Variants in DOCK8 observed in about 807,000 individuals in gnomAD.
DOCK8 encodes dedicator of cytokinesis 8, also known as dedicator of cytokinesis protein 8.
In DOCK8, 141 loss-of-function variants were observed where a neutral mutation model predicts 245.6. The observed-to-expected ratio is 0.57, with a 90% CI of 0.50 to 0.66. The LOEUF is 0.66. DOCK8 is among the 30% of genes least tolerant of loss of function. DOCK8 has a pLI of 0.00. For synonymous variants in DOCK8, 1,168 were observed against 970.2 expected, an observed-to-expected ratio of 1.20 and a Z score of -3.79; for missense variants, 2,965 against 2,603.4, an observed-to-expected ratio of 1.14 and a Z score of -3.02.
At chr9:444,304 C>T (rs1281828850) in intron 43 of DOCK8, among the ~76,000 whole-genome samples, 1 of 148,720 alleles carries the variant, frequency 6.7e-6, no homozygotes, top group African/African-American at 2.5e-5. Context: ...TTTCTATAAC[C>T]TGTTAGCTTG....
At chr9:299,104 A>G (rs999213899) in intron 4 of DOCK8, among the ~76,000 whole-genome samples, 1 of 152,162 alleles carries the variant, frequency 6.6e-6, no homozygotes, top group Non-Finnish European at 1.5e-5. Flanking sequence ...TAATATTTGC[A>G]TATATTTGTC....
At chr9:398,883 T>A (rs1449892028) in intron 25 of DOCK8, among the ~76,000 whole-genome samples, 2 of 151,996 alleles carry the variant, frequency 1.3e-5, no homozygotes, top group African/African-American at 2.4e-5. Context: ...TGAGGTTAAT[T>A]ATACACATAT....
At chr9:430,798 T>C (rs1192556314) in intron 36 of DOCK8, among the ~76,000 whole-genome samples, 1 of 152,196 alleles carries the variant, frequency 6.6e-6, no homozygotes, top group African/African-American at 2.4e-5. Flanking sequence ...TCTGACTAGC[T>C]AGTGCCAGAA....
At chr9:263,534 C>T (rs541293386) in intron 1 of DOCK8, among the ~76,000 whole-genome samples, 4 of 152,084 alleles carry the variant, frequency 2.6e-5, no homozygotes, top group African/African-American at 9.6e-5. Context: ...CTTATGTTTA[C>T]CCTTTTGGTG....
chr9:255,904 A>G (rs2047761319), intron 1 of DOCK8, among the ~76,000 whole-genome samples: 3 of 152,144 alleles, frequency 2.0e-5, no homozygotes, highest in Admixed American at 2.0e-4. Flanking sequence ...AGGCTTATTG[A>G]TTTAAAATAC....
At chr9:348,502 G>A (rs937917617) in intron 14 of DOCK8, among the ~76,000 whole-genome samples, 10 of 152,126 alleles carry the variant, frequency 6.6e-5, no homozygotes, top group Admixed American at 6.5e-4. Context: ...TTTTTCCACT[G>A]TCCTTTACAT....
chr9:441,535 C>T, intron 41 of DOCK8, 118 bp downstream of exon 41: 1 of 1,483,390 alleles, frequency 6.7e-7, no homozygotes, highest in Non-Finnish European at 9.2e-7. Flanking sequence ...ATTGCTTTTG[C>T]TCTCACCTGT....
intron 9 of DOCK8, among the ~76,000 whole-genome samples, chr9:328,523 A>G (rs1337379766): frequency 6.6e-6 from 1 of 152,170 alleles, no homozygotes; most frequent in Non-Finnish European, 1.5e-5. Flanking sequence ...AGCTTGGCAC[A>G]TCTTGGGCAC....
At chr9:293,185 T>C (rs1310823021) in intron 4 of DOCK8, among the ~76,000 whole-genome samples, 1 of 152,206 alleles carries the variant, frequency 6.6e-6, no homozygotes, top group East Asian at 1.9e-4. Context: ...AGCTTTCTTG[T>C]AGAAAAGTTG....
intron 16 of DOCK8, 43 bp downstream of exon 16, chr9:370,343 C>A: frequency 6.4e-7 from 1 of 1,561,308 alleles, no homozygotes; most frequent in South Asian, 1.1e-5. Flanking sequence ...AAGATGGTTT[C>A]ATCATCTCCT....
intron 13 of DOCK8, among the ~76,000 whole-genome samples, chr9:339,484 T>G (rs1185114328): frequency 6.6e-6 from 1 of 152,118 alleles, no homozygotes; most frequent in Non-Finnish European, 1.5e-5. Flanking sequence ...GGTACTTCTG[T>G]AGCATCCTCA....
intron 5 of DOCK8, among the ~76,000 whole-genome samples, chr9:305,067 G>C (rs757237627): frequency 3.3e-5 from 5 of 152,130 alleles, no homozygotes; most frequent in African/African-American, 7.2e-5. Context: ...CATTCTCCTA[G>C]TGATTCTACC....
At chr9:378,076 A>G (rs1157035929) in intron 20 of DOCK8, among the ~76,000 whole-genome samples, 1 of 152,202 alleles carries the variant, frequency 6.6e-6, no homozygotes, top group Non-Finnish European at 1.5e-5. Context: ...TTGTGACAAT[A>G]ACCAAGAGCA....
chr9:357,451 T>TTC (rs771555840), intron 14 of DOCK8, among the ~76,000 whole-genome samples: 4 of 151,880 alleles, frequency 2.6e-5, no homozygotes, highest in East Asian at 1.9e-4. Context: ...ATTGTTTTAT[T>TTC]TCTCTCTCTC....
chr9:437,828 A>G (rs372266210), intron 39 of DOCK8, among the ~76,000 whole-genome samples: 2 of 152,354 alleles, frequency 1.3e-5, no homozygotes, highest in South Asian at 4.1e-4. Flanking sequence ...ACATTCTTAG[A>G]TACTGCTGTT....
intron 1 of DOCK8, among the ~76,000 whole-genome samples, chr9:253,920 C>G (rs2047709232): frequency 1.3e-5 from 2 of 152,200 alleles, no homozygotes; most frequent in South Asian, 4.1e-4. Context: ...GAGAGTGAGG[C>G]CAAGATTTTG....
At chr9:249,979 T>C (rs2047610071) in intron 1 of DOCK8, among the ~76,000 whole-genome samples, 1 of 152,084 alleles carries the variant, frequency 6.6e-6, no homozygotes, top group Non-Finnish European at 1.5e-5. Flanking sequence ...GTCTGAAAGC[T>C]CTATAATGTT....
chr9:308,717 G>A (rs1365834719), intron 5 of DOCK8, among the ~76,000 whole-genome samples: 2 of 152,152 alleles, frequency 1.3e-5, no homozygotes, highest in Non-Finnish European at 2.9e-5. Flanking sequence ...GAGTGCAGTG[G>A]CACGATCTTG....
chr9:277,101 A>C, intron 2 of DOCK8: 1 of 181,448 alleles, frequency 5.5e-6, no homozygotes. Context: ...GAGTCATTAC[A>C]CCCGGCCTAT....
Sources: allele counts gnomAD v4.1 joint callset (sites outside exome capture counted in the v4.1 genomes callset), GRCh38; gene constraint gnomAD v4.1.1; transcripts MANE v1.5; gene names NCBI Gene and HGNC (gene_info 2026-07-23, HGNC 2026-07-21).